Variants in STMND1 observed in about 807,000 individuals in gnomAD.
The protein encoded by STMND1 is stathmin domain-containing protein 1.
In STMND1, 17 loss-of-function variants were observed where a neutral mutation model predicts 23.0. That is an observed-to-expected ratio of 0.74 (90% CI 0.51 to 1.11). The LOEUF (loss-of-function observed/expected upper bound fraction) is 1.11. STMND1 is among the 50% of genes least tolerant of loss of function. The pLI is 0.00. For missense variants in STMND1, 305 were observed against 329.1 expected, an observed-to-expected ratio of 0.93 and a Z score of 0.57; for synonymous variants, 114 against 119.9, an observed-to-expected ratio of 0.95 and a Z score of 0.32.
chr6:17,121,041 G>A (rs1001527192), intron 3 of STMND1, among the ~76,000 whole-genome samples: 3 of 152,136 alleles, frequency 2.0e-5, no homozygotes, highest in Admixed American at 2.0e-4. Context: ...CCCCTATGCT[G>A]TTCACATGAT....
At chr6:17,123,253 G>C (rs1157350508) in intron 3 of STMND1, among the ~76,000 whole-genome samples, 1 of 152,206 alleles carries the variant, frequency 6.6e-6, no homozygotes, top group East Asian at 1.9e-4. Flanking sequence ...ACATCATTAA[G>C]TGAACCAAAG....
At chr6:17,126,034 TTATATATATATATA>T (rs1176278436) in intron 3 of STMND1, among the ~76,000 whole-genome samples, 492 of 42,014 alleles carry the variant, frequency 0.012, 9 homozygotes, top group East Asian at 0.037. Context: ...GATCATTGTT[TTATATATATATATA>T]TATATATATA....
intron 2 of STMND1, among the ~76,000 whole-genome samples, chr6:17,118,908 GTT>G (rs1295331172): frequency 3.3e-5 from 5 of 152,154 alleles, no homozygotes; most frequent in Admixed American, 1.3e-4. Context: ...CAGAGTTGAT[GTT>G]TGCATTTGAC....
At chr6:17,105,740 C>A (rs564752062) in intron 1 of STMND1, among the ~76,000 whole-genome samples, 1 of 151,684 alleles carries the variant, frequency 6.6e-6, no homozygotes, top group Non-Finnish European at 1.5e-5. Flanking sequence ...TCCTGGCTAA[C>A]ACGGGGAAAC....
At chr6:17,113,293 A>G (rs924740463) in intron 1 of STMND1, among the ~76,000 whole-genome samples, 3 of 152,232 alleles carry the variant, frequency 2.0e-5, no homozygotes, top group Non-Finnish European at 4.4e-5. Context: ...TAGGAAAATC[A>G]AAATCCATAG....
At chr6:17,122,119 C>A (rs1761242553) in intron 3 of STMND1, among the ~76,000 whole-genome samples, 1 of 152,086 alleles carries the variant, frequency 6.6e-6, no homozygotes, top group African/African-American at 2.4e-5. Flanking sequence ...CCTCAGCCTC[C>A]CAAAGTTTTG....
intron 1 of STMND1, among the ~76,000 whole-genome samples, chr6:17,111,470 A>G (rs6922188): frequency 0.22 from 34,091 of 152,032 alleles, 4,049 homozygotes; most frequent in East Asian, 0.37. Flanking sequence ...AAAGTTAGAA[A>G]CACCTACATG....
intron 2 of STMND1, among the ~76,000 whole-genome samples, chr6:17,118,434 A>C (rs1761188313): frequency 6.6e-6 from 1 of 152,186 alleles, no homozygotes; most frequent in African/African-American, 2.4e-5. Context: ...TACTACAGTA[A>C]CTATCACTTT....
intron 4 of STMND1, 31 bp from the exon 5 acceptor site, chr6:17,130,563 C>G (rs1427154248): frequency 6.2e-6 from 9 of 1,447,560 alleles, no homozygotes; most frequent in Non-Finnish European, 6.4e-6. Context: ...GTTATTCACG[C>G]TCTTTTTCAT....
intron 1 of STMND1, among the ~76,000 whole-genome samples, chr6:17,109,612 T>C (rs960924939): frequency 6.6e-6 from 1 of 152,232 alleles, no homozygotes; most frequent in Non-Finnish European, 1.5e-5. Flanking sequence ...GTTTCCTGCC[T>C]AGAGTCATAA....
intron 3 of STMND1, among the ~76,000 whole-genome samples, chr6:17,125,280 C>T (rs1761281222): frequency 6.6e-6 from 1 of 152,060 alleles, no homozygotes; most frequent in African/African-American, 2.4e-5. Flanking sequence ...ACTTAACTGA[C>T]TATATTGTAA....
chr6:17,129,148 T>C lies in STMND1; in HGVS notation c.448T>C (p.Ser150Pro). Reference sequence around the variant, plus strand: ...TGAGAAGCCATTGAGAAAGCCACCTTCCAGACTGAAAAAACTCAAGATCAA... The same window carrying C: ...TGAGAAGCCATTGAGAAAGCCACCTCCCAGACTGAAAAAACTCAAGATCAA... ...TTEKPLRKPP[S>P]RLKKLKIKKQ... The change falls in exon 4 of 5, where the codon TCC (serine) becomes CCC (proline). Residue 150 changes from serine to proline, a missense_variant. Ser to Pro is a moderately conservative substitution (Grantham distance 74). Coordinates refer to ENST00000536551, the MANE Select transcript of STMND1 (RefSeq NM_001190766.2). 5.2e-6 allele frequency: 8 copies of C among 1,535,952 alleles called. No individual in the cohort carries two copies. The highest frequency in any genetic ancestry group is 7.0e-6 in the Non-Finnish European group (8 of 1,146,826).
At chr6:17,125,238 T>C (rs944997506) in intron 3 of STMND1, among the ~76,000 whole-genome samples, 2 of 151,656 alleles carry the variant, frequency 1.3e-5, no homozygotes, top group Non-Finnish European at 2.9e-5. Context: ...GTTGAGGGAA[T>C]CTTTCAGTGT....
chr6:17,128,980 C>T (rs545356849), intron 3 of STMND1, 132 bp from the exon 4 acceptor site: 78 of 918,630 alleles, frequency 8.5e-5, no homozygotes, highest in African/African-American at 7.6e-4. Flanking sequence ...CCCAAAGTGC[C>T]GGGATTACAG....
chr6:17,126,273 G>A (rs186014530), intron 3 of STMND1, among the ~76,000 whole-genome samples: 2 of 151,124 alleles, frequency 1.3e-5, no homozygotes, highest in African/African-American at 4.9e-5. Flanking sequence ...ATAAAATTCA[G>A]TTGTAAAGAA....
intron 2 of STMND1, 148 bp from the exon 3 acceptor site, chr6:17,120,459 C>A: frequency 1.7e-6 from 1 of 578,750 alleles, no homozygotes. Context: ...TTCAAAGGAT[C>A]ACAAAGACTT....
rs1760947120 is a variant in STMND1 at position 17,102,213 on chromosome 6, G to T, written c.-45G>T. 1 of 1,498,344 alleles carries T rather than the reference G, an allele frequency of 6.7e-7. No individual in the cohort carries two copies. The highest frequency in any genetic ancestry group is 2.2e-5 in the Admixed American group (1 of 45,096). The allele number at this position is 1,498,344 out of a possible 1,614,324, so 92.8% of individuals were successfully genotyped here. A position where few individuals can be genotyped will look rare whatever the true frequency, so the allele number is the denominator to read the frequency against. On this transcript the variant is annotated 5_prime_UTR_variant, in exon 1 of 5. Coordinates refer to ENST00000536551, the MANE Select transcript of STMND1 (RefSeq NM_001190766.2). ...AGCGCGGCAGGGAGCGCTCGCGGGG[G>T]CGCACAGCAGCCAAGCCCGCGGAGG... is the stretch of plus-strand genomic sequence containing the variant.
chr6:17,115,005 G>T lies in STMND1; in HGVS notation c.125G>T (p.Arg42Leu). 6.5e-7 allele frequency: 1 copy of T among 1,533,296 alleles called. No individual in the cohort carries two copies. Among genetic ancestry groups the T allele is most frequent in the Non-Finnish European group, 8.7e-7 (1 of 1,145,702 alleles). 95.0% of individuals were successfully genotyped at this position (1,533,296 alleles called of 1,614,324 possible). A position where few individuals can be genotyped will look rare whatever the true frequency, so the allele number is the denominator to read the frequency against. ...VPHTGENCSPRMEAALTKNTV... is the reference protein window; with the variant it reads ...VPHTGENCSPLMEAALTKNTV... ...CATACTGGGGAAAATTGCAGCCCCC[G>T]GATGGAAGCTGCTCTGACCAAGAAT... The change falls in exon 2 of 5, where the codon CGG becomes CTG. Residue 42 changes from arginine to leucine, a missense_variant. Transcript: ENST00000536551.
rs1561924563 is a variant in STMND1 at position 17,120,680 on chromosome 6, C to A, written c.333C>A (p.Ile111=). 3 of 1,535,240 alleles carry A rather than the reference C, an allele frequency of 2.0e-6. No homozygotes were observed. Among genetic ancestry groups the A allele is most frequent in the Non-Finnish European group, 2.6e-6 (3 of 1,146,396 alleles). ...GAGAGCGACAGAAGTCATCAGATAT[C>A]CTGGAGGAACTAATTGTTCAAGGAA... The part of the protein sequence containing the change: ...ESRERQKSSD[I]LEELIVQGII... Residue 111 remains isoleucine (I), a synonymous_variant, in exon 3 of 5, where the codon ATC becomes ATA. Transcript: ENST00000536551.
Sources: allele counts gnomAD v4.1 joint callset (sites outside exome capture counted in the v4.1 genomes callset), GRCh38; gene constraint gnomAD v4.1.1; transcripts MANE v1.5; gene names NCBI Gene and HGNC (gene_info 2026-07-23, HGNC 2026-07-21).